The following DPYD variants were observed in gnomAD, a reference collection of about 807,000 sequenced individuals.
The protein encoded by DPYD is dihydropyrimidine dehydrogenase.
A neutral mutation model predicts 116.2 loss-of-function variants in DPYD; 109 were observed. The observed-to-expected ratio is 0.94, with a 90% confidence interval of 0.80 to 1.10. The LOEUF is 1.10. Ranked by LOEUF, DPYD falls within the 50% of genes least tolerant of loss-of-function variation. The pLI, the probability that DPYD is intolerant of heterozygous loss-of-function variation, is 0.00. For missense variants in DPYD, 1,302 were observed against 1,254.5 expected (o/e 1.04, Z -0.57); for synonymous variants, 440 against 432.0 (o/e 1.02, Z -0.23).
In DPYD at chr1:97,821,394, T is replaced by C. The variant is rs564733894; in HGVS notation, c.233+6720A>G. Among the ~76,000 whole-genome samples the C allele has an allele frequency of 4.0e-5, 6 of 151,428 alleles. No homozygotes were observed. The East Asian group carries it at 1.2e-3, about 29-fold the overall frequency. ...GTGGCCCCATCCTTCCCTTTACTGT[T>C]CAGGATTTATCACAGGGGCTAAAAT... On this transcript the variant is annotated intron_variant, in intron 3 of 22. Transcript: ENST00000370192.
At chr1:97,804,440 G>T (rs777848279) in intron 3 of DPYD, among the ~76,000 whole-genome samples, 1 of 151,732 alleles carries the variant, frequency 6.6e-6, no homozygotes, top group Non-Finnish European at 1.5e-5. Flanking sequence ...GAAGTCTCAA[G>T]ATGTTAAGAT....
intron 11 of DPYD, among the ~76,000 whole-genome samples, chr1:97,562,147 C>T (rs1360361987): frequency 6.6e-6 from 1 of 152,128 alleles, no homozygotes; most frequent in Non-Finnish European, 1.5e-5. Context: ...TAACATCCCA[C>T]AAGTATGTAG....
intron 1 of DPYD, among the ~76,000 whole-genome samples, chr1:97,904,519 GA>G (rs2101692192): frequency 6.6e-6 from 1 of 151,878 alleles, no homozygotes; most frequent in Non-Finnish European, 1.5e-5. Flanking sequence ...CTACCAAAAA[GA>G]AAAAAGGTTA....
intron 3 of DPYD, among the ~76,000 whole-genome samples, chr1:97,758,270 T>C (rs970595308): frequency 6.6e-6 from 1 of 151,926 alleles, no homozygotes; most frequent in African/African-American, 2.4e-5. Flanking sequence ...GGTGTATGAT[T>C]AGGTGGTCTT....
intron 5 of DPYD, among the ~76,000 whole-genome samples, chr1:97,705,980 T>A (rs1279185572): frequency 6.6e-6 from 1 of 152,062 alleles, no homozygotes. Context: ...TTGATGGGTT[T>A]TTTTTCTTGT....
intron 10 of DPYD, among the ~76,000 whole-genome samples, chr1:97,579,275 A>C (rs1344479643): frequency 6.6e-6 from 1 of 152,260 alleles, no homozygotes; most frequent in Admixed American, 6.5e-5. Context: ...CCTTGAATAC[A>C]GTTTTGTTTA....
At chr1:97,176,979 G>A (rs1431169391) in intron 20 of DPYD, among the ~76,000 whole-genome samples, 1 of 151,462 alleles carries the variant, frequency 6.6e-6, no homozygotes, top group African/African-American at 2.4e-5. Flanking sequence ...CCTTTGCCAC[G>A]CTTTATGCCT....
At chr1:97,743,206 A>C (rs1349384802) in intron 3 of DPYD, among the ~76,000 whole-genome samples, 1 of 152,128 alleles carries the variant, frequency 6.6e-6, no homozygotes, top group Non-Finnish European at 1.5e-5. Flanking sequence ...TGAAAATGTC[A>C]GATGTTAATG....
chr1:97,832,484 G>A (rs1327391399), intron 2 of DPYD, among the ~76,000 whole-genome samples: 1 of 152,146 alleles, frequency 6.6e-6, no homozygotes, highest in Non-Finnish European at 1.5e-5. Flanking sequence ...GTCTACATCT[G>A]TCTGGAAGTG....
intron 8 of DPYD, among the ~76,000 whole-genome samples, chr1:97,614,726 A>C (rs905441298): frequency 6.6e-6 from 1 of 152,120 alleles, no homozygotes; most frequent in African/African-American, 2.4e-5. Flanking sequence ...TTTAAGTATG[A>C]ATGTACAGGA....
intron 12 of DPYD, among the ~76,000 whole-genome samples, chr1:97,523,439 C>T (rs1648832883): frequency 6.6e-6 from 1 of 151,950 alleles, no homozygotes; most frequent in African/African-American, 2.4e-5. Flanking sequence ...CATCAGGAGC[C>T]CCAAATATAT....
chr1:97,827,087 G>A (rs891518484), intron 3 of DPYD, among the ~76,000 whole-genome samples: 1 of 151,958 alleles, frequency 6.6e-6, no homozygotes, highest in African/African-American at 2.4e-5. Context: ...TGCTTGCATG[G>A]TAAAAGGAAG....
At chr1:97,790,187 G>T (rs986681487) in intron 3 of DPYD, among the ~76,000 whole-genome samples, 1 of 152,122 alleles carries the variant, frequency 6.6e-6, no homozygotes, top group African/African-American at 2.4e-5. Context: ...ACTCTTTCTG[G>T]TATTGGAGAA....
chr1:97,599,230 A>G (rs1226695256), intron 8 of DPYD, among the ~76,000 whole-genome samples: 2 of 152,134 alleles, frequency 1.3e-5, no homozygotes, highest in Non-Finnish European at 2.9e-5. Context: ...ATTTTTCACT[A>G]TTTGATATTC....
intron 2 of DPYD, among the ~76,000 whole-genome samples, chr1:97,874,597 CT>C (rs2101623709): frequency 6.6e-6 from 1 of 151,936 alleles, no homozygotes; most frequent in African/African-American, 2.4e-5. Context: ...AGAGGAATTG[CT>C]TTTTATTCTG....
intron 18 of DPYD, among the ~76,000 whole-genome samples, chr1:97,246,374 C>A (rs955817496): frequency 6.6e-6 from 1 of 151,990 alleles, no homozygotes; most frequent in Non-Finnish European, 1.5e-5. Flanking sequence ...GTGGGTCAGA[C>A]AACAGACACT....
chr1:97,373,712 T>C, intron 15 of DPYD, 68 bp from the exon 16 acceptor site: 1 of 1,352,690 alleles, frequency 7.4e-7, no homozygotes, highest in Non-Finnish European at 1.1e-6. Context: ...GCTTTCACCG[T>C]TGATAACACA....
At chr1:97,535,561 C>A (rs1570919031) in intron 12 of DPYD, among the ~76,000 whole-genome samples, 1 of 152,164 alleles carries the variant, frequency 6.6e-6, no homozygotes, top group South Asian at 2.1e-4. Context: ...AAGTAGCAAT[C>A]TATTGCTATA....
At chr1:97,892,605 CA>C (rs1026974417) in intron 1 of DPYD, among the ~76,000 whole-genome samples, 1 of 151,740 alleles carries the variant, frequency 6.6e-6, no homozygotes, top group African/African-American at 2.4e-5. Flanking sequence ...CAGTCCTGGT[CA>C]AAGACTTACA....
Sources: allele counts gnomAD v4.1 joint callset (sites outside exome capture counted in the v4.1 genomes callset), GRCh38; gene constraint gnomAD v4.1.1; transcripts MANE v1.5; gene names NCBI Gene and HGNC (gene_info 2026-07-23, HGNC 2026-07-21).